Variants in GPC5 observed in about 807,000 individuals in gnomAD.
GPC5 encodes glypican 5, also known as glypican-5.
In GPC5, 47 loss-of-function variants were observed where a neutral mutation model predicts 53.9. The ratio of observed to expected loss-of-function variants is 0.87; its 90% CI spans 0.69 to 1.11. The LOEUF (loss-of-function observed/expected upper bound fraction) is 1.11. Among genes scored for constraint, GPC5 ranks in the 50% most tolerant of loss-of-function variants. GPC5 has a pLI of 0.00. For missense variants in GPC5, 748 were observed against 713.1 expected (o/e 1.05, Z -0.56); for synonymous variants, 286 against 263.3 (o/e 1.09, Z -0.84).
At chr13:92,785,877 T>C (rs1309126909) in intron 7 of GPC5, among the ~76,000 whole-genome samples, 1 of 152,190 alleles carries the variant, frequency 6.6e-6, no homozygotes, top group Non-Finnish European at 1.5e-5. Flanking sequence ...CCTTATGGGA[T>C]TGTTGTGTGG....
At chr13:92,586,947 TACAC>T (rs751189074) in intron 7 of GPC5, among the ~76,000 whole-genome samples, 6 of 140,730 alleles carry the variant, frequency 4.3e-5, no homozygotes, top group Admixed American at 7.0e-5. Context: ...CTCTCTTGCA[TACAC>T]ACACACACAC....
At chr13:92,250,795 G>C (rs117356238) in intron 7 of GPC5, among the ~76,000 whole-genome samples, 1,854 of 152,100 alleles carry the variant, frequency 0.012, 18 homozygotes, top group Middle Eastern at 0.068. Flanking sequence ...ATCCCACTAA[G>C]TAAGGATGTA....
In GPC5 at chr13:92,712,362, A is replaced by T. The variant is rs189657377; in HGVS notation, c.1562-153920A>T. ...CCAAAATGATAAGAAAATTTTATAT[A>T]AATTAAAATAAATTTCATTTAAAAA... On this transcript the variant is annotated intron_variant, in intron 7 of 7. Transcript: ENST00000377067. Among the ~76,000 whole-genome samples the T allele has an allele frequency of 2.0e-3, 302 of 152,086 alleles. 1 individual carries two copies. The highest frequency in any genetic ancestry group is 7.0e-3 in the African/African-American group (290 of 41,562).
chr13:91,800,590 G>A (rs543694993), intron 5 of GPC5, among the ~76,000 whole-genome samples: 1 of 152,044 alleles, frequency 6.6e-6, no homozygotes, highest in African/African-American at 2.4e-5. Context: ...CTAATCATGA[G>A]TGTGGCTATT....
At chr13:92,206,543 A>T (rs1593995346) in intron 7 of GPC5, among the ~76,000 whole-genome samples, 1 of 152,178 alleles carries the variant, frequency 6.6e-6, no homozygotes, top group Non-Finnish European at 1.5e-5. Flanking sequence ...GTACCTTAAA[A>T]TAAACTTATG....
intron 7 of GPC5, among the ~76,000 whole-genome samples, chr13:92,795,781 T>G (rs941458134): frequency 1.3e-5 from 2 of 152,146 alleles, no homozygotes; most frequent in African/African-American, 2.4e-5. Flanking sequence ...TCACTGGTCA[T>G]CAGAGAAATG....
Position 91,693,507 on chromosome 13 carries a change from G to C in GPC5, c.646G>C (p.Gly216Arg). ...NIPQRVMGQM[G>R]RSLLPSRTFL... ...TCCCCAAAGAGTAATGGGACAGATG[G>C]GGAGGTCCCTGCTGCCCAGCCGCAC... The change falls in exon 3 of 8, where the codon GGG (glycine) becomes CGG (arginine). Residue 216 changes from glycine to arginine, a missense_variant. Transcript: ENST00000377067. The C allele has an allele frequency of 6.2e-7, 1 of 1,614,108 alleles. No homozygotes were observed. The highest frequency in any genetic ancestry group is 8.5e-7 in the Non-Finnish European group (1 of 1,180,014).
At chr13:91,451,229 GT>G (rs1881151509) in intron 2 of GPC5, among the ~76,000 whole-genome samples, 1 of 152,112 alleles carries the variant, frequency 6.6e-6, no homozygotes, top group South Asian at 2.1e-4. Flanking sequence ...TTTTCAAATA[GT>G]TCATTTATAT....
At chr13:92,545,104 G>A (rs1034635093) in intron 7 of GPC5, among the ~76,000 whole-genome samples, 3 of 151,826 alleles carry the variant, frequency 2.0e-5, no homozygotes, top group Admixed American at 1.3e-4. Flanking sequence ...GGTGTGTGAT[G>A]TTCCCCTTCC....
intron 7 of GPC5, among the ~76,000 whole-genome samples, chr13:92,819,895 G>A (rs1052245727): frequency 2.0e-5 from 3 of 151,752 alleles, no homozygotes; most frequent in Non-Finnish European, 4.4e-5. Context: ...TTCTTGTTAG[G>A]AAAAAAAATA....
At chr13:92,572,145 A>T (rs1289967264) in intron 7 of GPC5, among the ~76,000 whole-genome samples, 25 of 152,222 alleles carry the variant, frequency 1.6e-4, no homozygotes, top group Non-Finnish European at 8.8e-5. Context: ...TGATTGAGAT[A>T]TTTGAAAATA....
At chr13:92,385,629 A>C (rs542441699) in intron 7 of GPC5, among the ~76,000 whole-genome samples, 110 of 143,772 alleles carry the variant, frequency 7.7e-4, no homozygotes, top group African/African-American at 2.7e-3. Context: ...ACATACACAT[A>C]TATACATATA....
intron 7 of GPC5, among the ~76,000 whole-genome samples, chr13:92,581,235 C>T (rs1157613652): frequency 1.3e-5 from 2 of 152,094 alleles, no homozygotes; most frequent in Admixed American, 6.6e-5. Flanking sequence ...CCCTCTACTC[C>T]CTAGCCTCTG....
intron 4 of GPC5, among the ~76,000 whole-genome samples, chr13:91,739,850 CTG>C (rs910516572): frequency 6.6e-6 from 1 of 151,364 alleles, no homozygotes; most frequent in African/African-American, 2.5e-5. Context: ...AGGGATGAAA[CTG>C]TGGGGAGTTA....
At chr13:92,026,548 C>G (rs2040802589) in intron 6 of GPC5, among the ~76,000 whole-genome samples, 1 of 150,704 alleles carries the variant, frequency 6.6e-6, no homozygotes, top group Non-Finnish European at 1.5e-5. Flanking sequence ...GACTACAGAG[C>G]CATGCAAATA....
chr13:91,683,296 A>G (rs538231475), intron 2 of GPC5, among the ~76,000 whole-genome samples: 6 of 152,280 alleles, frequency 3.9e-5, no homozygotes, highest in African/African-American at 1.4e-4. Context: ...GAACCTCCAG[A>G]GGCAGTGCAG....
chr13:92,704,895 A>ATATATACTCAATG (rs372806961), intron 7 of GPC5, among the ~76,000 whole-genome samples: 1 of 147,204 alleles, frequency 6.8e-6, no homozygotes, highest in African/African-American at 2.6e-5. Context: ...GTGTATATAT[A>ATATATACTCAATG]TGAGTATATA....
intron 7 of GPC5, among the ~76,000 whole-genome samples, chr13:92,808,478 T>C (rs139975548): frequency 1.3e-5 from 2 of 152,198 alleles, no homozygotes; most frequent in East Asian, 3.9e-4. Context: ...CGGGTGCTGG[T>C]GGGGATTTCT....
intron 7 of GPC5, among the ~76,000 whole-genome samples, chr13:92,249,677 T>A (rs1594036448): frequency 6.6e-6 from 1 of 152,120 alleles, no homozygotes; most frequent in South Asian, 2.1e-4. Context: ...GTTTAGTATA[T>A]TTGAGTTAGT....
Sources: allele counts gnomAD v4.1 joint callset (sites outside exome capture counted in the v4.1 genomes callset), GRCh38; gene constraint gnomAD v4.1.1; transcripts MANE v1.5; gene names NCBI Gene and HGNC (gene_info 2026-07-23, HGNC 2026-07-21).